Variants in LRRC74B observed in about 807,000 individuals in gnomAD.
The protein encoded by LRRC74B is leucine-rich repeat-containing protein 74B.
A neutral mutation model predicts 16.6 loss-of-function variants in LRRC74B; 30 were observed. The observed-to-expected ratio is 1.80, with a 90% CI of 1.35 to 2.45. The LOEUF (loss-of-function observed/expected upper bound fraction) is 2.45. Among genes scored for constraint, LRRC74B ranks in the 30% most tolerant of loss-of-function variants. The pLI is 0.00. For missense variants in LRRC74B, 326 were observed against 202.4 expected, an observed-to-expected ratio of 1.61 and a Z score of -3.71; for synonymous variants, 134 against 86.0, an observed-to-expected ratio of 1.56 and a Z score of -3.09.
chr22:21,057,173 C>T (rs1440716615), exon 8 of LRRC74B: 11 of 717,358 alleles, frequency 1.5e-5, no homozygotes, highest in Non-Finnish European at 2.6e-5. Flanking sequence ...ACAATCCAGC[C>T]TCTGCCCTGG....
At chr22:21,049,623 G>T (rs373069) in intron 4 of LRRC74B, among the ~76,000 whole-genome samples, 135,704 of 150,898 alleles carry the variant, frequency 0.9, 61,191 homozygotes, top group Admixed American at 0.93. Context: ...GGAGAGCATT[G>T]CAAGCAGAGG....
rs1411395198 is a variant in LRRC74B at position 21,045,990 on chromosome 22, A to AG, written c.8dup (p.Ser4PhefsTer3). 8.4e-6 allele frequency: 6 copies of AG among 717,440 alleles called. No homozygotes were observed. Among genetic ancestry groups the AG allele is most frequent in the Middle Eastern group, 4.6e-4 (2 of 4,370 alleles). The allele number at this position is 717,440 out of a possible 1,614,324, so 44.4% of individuals were successfully genotyped here. A position where few individuals can be genotyped will look rare whatever the true frequency, so the allele number is the denominator to read the frequency against. Reference sequence around the variant, plus strand: ...AGACTGCGAGAGGGTCGTAACCATGAGGGGTTCCTGTGAGAGGTCTGGGGA... The same window carrying AG: ...AGACTGCGAGAGGGTCGTAACCATGAGGGGGTTCCTGTGAGAGGTCTGGGGA... On this transcript the variant is annotated frameshift_variant, in exon 1 of 9. Transcript: ENST00000442047. LOFTEE classifies it high-confidence loss of function.
At chr22:21,062,936 T>G (rs1930881318), downstream of LRRC74B, 1 of 147,790 alleles carries the variant, frequency 6.8e-6, no homozygotes, top group Admixed American at 6.8e-5. Context: ...GATGCTGAGG[T>G]GGGAGGATCA....
chr22:21,049,827 A>G (rs1374115261), intron 4 of LRRC74B, among the ~76,000 whole-genome samples: 1 of 152,064 alleles, frequency 6.6e-6, no homozygotes, highest in Non-Finnish European at 1.5e-5. Context: ...TGATCTCATC[A>G]CTGTCATGCC....
At chr22:21,047,615 A>T (rs1601804660) in intron 2 of LRRC74B, 117 bp downstream of exon 2, 2 of 641,342 alleles carry the variant, frequency 3.1e-6, no homozygotes, top group East Asian at 5.4e-5. Context: ...TGTGTCAGTC[A>T]TGCCCTACCC....
intron 8 of LRRC74B, among the ~76,000 whole-genome samples, chr22:21,058,807 T>C (rs1438519239): frequency 1.3e-5 from 2 of 152,248 alleles, no homozygotes; most frequent in Non-Finnish European, 2.9e-5. Context: ...ATACACTTAC[T>C]TGTCACAATG....
chr22:21,050,355 A>T (rs1226052526), intron 4 of LRRC74B, among the ~76,000 whole-genome samples: 2 of 151,184 alleles, frequency 1.3e-5, no homozygotes, highest in Non-Finnish European at 3.0e-5. Context: ...TTTCAGAAGC[A>T]CTCCTCTGTC....
intron 4 of LRRC74B, among the ~76,000 whole-genome samples, chr22:21,050,620 T>C (rs1442095972): frequency 1.3e-5 from 2 of 150,588 alleles, no homozygotes; most frequent in Admixed American, 6.6e-5. Flanking sequence ...CTACTAAAAA[T>C]ACAAAAAATT....
intron 4 of LRRC74B, among the ~76,000 whole-genome samples, chr22:21,050,488 AAGTG>A (rs1179586947): frequency 4.0e-5 from 6 of 151,480 alleles, no homozygotes; most frequent in Admixed American, 3.9e-4. Flanking sequence ...CAGTGAAATT[AAGTG>A]AGGTGGCCGG....
upstream of LRRC74B, chr22:21,045,954 C>T (rs1258582159): frequency 1.4e-6 from 1 of 714,150 alleles, no homozygotes; most frequent in African/African-American, 1.7e-5. Flanking sequence ...CTGTCTCCGA[C>T]TCAGTGTCTG....
Position 21,050,244 on chromosome 22 carries a change from T to C in LRRC74B, c.622+1087T>C, listed in dbSNP as rs1172896553. On this transcript the variant is annotated intron_variant, in intron 4 of 8. Transcript: ENST00000442047. ...TAGAGATGGGGTTTCACCGTGTTGG[T>C]CAGGCTGGTCTCGAACTCCTGACCT... Among the ~76,000 whole-genome samples the C allele has an allele frequency of 3.3e-5, 5 of 151,866 alleles. No individual in the cohort carries two copies. In the East Asian group the frequency reaches 5.9e-4, roughly 18 times the overall value.
exon 6 of LRRC74B, chr22:21,053,438 C>G: frequency 1.4e-6 from 1 of 717,394 alleles, no homozygotes; most frequent in Non-Finnish European, 2.6e-6. Context: ...GGGTGAGGCT[C>G]TGAAGGCCAA....
intron 8 of LRRC74B, 123 bp from the exon 9 acceptor site, chr22:21,060,250 A>G (rs1008006688): frequency 6.6e-6 from 4 of 605,542 alleles, no homozygotes; most frequent in Non-Finnish European, 1.2e-5. Flanking sequence ...CGGGTATGAG[A>G]CTGTCATCCA....
At chr22:21,061,318 C>CAA (rs553704161), downstream of LRRC74B, among the ~76,000 whole-genome samples, 3 of 139,010 alleles carry the variant, frequency 2.2e-5, no homozygotes, top group East Asian at 4.0e-4. Context: ...AACTCTGTCT[C>CAA]AAAAAAAAAA....
chr22:21,053,680 G>C, intron 6 of LRRC74B: 1 of 442,524 alleles, frequency 2.3e-6, no homozygotes, highest in Non-Finnish European at 4.0e-6. Context: ...GTAGAGTGCA[G>C]TGCTGTGATC....
chr22:21,060,547 T>C (rs1293721677), downstream of LRRC74B: 2 of 692,692 alleles, frequency 2.9e-6, no homozygotes. Context: ...TGTGGCTTCC[T>C]CATCTCCAAT....
chr22:21,053,240 C>A, intron 5 of LRRC74B, 120 bp from the exon 6 acceptor site: 1 of 613,470 alleles, frequency 1.6e-6, no homozygotes, highest in Non-Finnish European at 3.0e-6. Context: ...TGGAGCCTCT[C>A]CCCTTCTGCC....
intron 4 of LRRC74B, among the ~76,000 whole-genome samples, chr22:21,050,747 C>T (rs548688605): frequency 1.3e-4 from 18 of 143,358 alleles, no homozygotes; most frequent in African/African-American, 4.2e-4. Context: ...CACTGCAGTC[C>T]GGCCTGGGCG....
chr22:21,049,494 G>A (rs1375608633), intron 4 of LRRC74B: 4 of 244,510 alleles, frequency 1.6e-5, no homozygotes, highest in Non-Finnish European at 3.1e-5. Flanking sequence ...AATAGTTTAT[G>A]ATTCTAGAGA....
Sources: gnomAD v4.1 joint callset for allele counts (sites outside exome capture counted in the v4.1 genomes callset) on GRCh38, gnomAD v4.1.1 for gene constraint, MANE v1.5 for transcripts, NCBI Gene and HGNC (gene_info 2026-07-23, HGNC 2026-07-21) for gene names.